The following ADK variants were observed in gnomAD, a reference collection of about 807,000 sequenced individuals.
The protein encoded by ADK is adenosine kinase, also known as N6,N6-dimethyladenosine kinase.
Under a neutral mutation model 44.7 loss-of-function variants are expected in ADK, and 24 were observed. The ratio of observed to expected loss-of-function variants is 0.54; its 90% confidence interval spans 0.39 to 0.76. The LOEUF (loss-of-function observed/expected upper bound fraction) is 0.76, where lower values mean the gene tolerates loss of function less well. ADK is among the 30% of genes least tolerant of loss of function. The probability of loss-of-function intolerance (pLI) is 0.00; values close to 1 mark genes in which losing one functional copy is unlikely to be tolerated. For synonymous variants in ADK, 128 were observed against 142.6 expected (o/e 0.90, Z 0.73); for missense variants, 321 against 425.1 (o/e 0.76, Z 2.15).
chr10:74,166,018 A>T (rs1842025401), intron 1 of ADK, among the ~76,000 whole-genome samples: 1 of 152,024 alleles, frequency 6.6e-6, no homozygotes, highest in South Asian at 2.1e-4. Flanking sequence ...CCTCCTGGGT[A>T]CACTTCCACT....
chr10:74,637,782 G>A (rs1246112629), intron 9 of ADK, among the ~76,000 whole-genome samples: 1 of 152,218 alleles, frequency 6.6e-6, no homozygotes, highest in Non-Finnish European at 1.5e-5. Flanking sequence ...AGACTGCTGA[G>A]TCTAGATGAG....
At chr10:74,676,281 C>A (rs992640298) in intron 10 of ADK, among the ~76,000 whole-genome samples, 4 of 152,148 alleles carry the variant, frequency 2.6e-5, no homozygotes, top group African/African-American at 7.2e-5. Flanking sequence ...AGGCATCCGC[C>A]ATCACGCCTG....
At chr10:74,446,009 A>G (rs1423737817) in intron 6 of ADK, among the ~76,000 whole-genome samples, 1 of 152,106 alleles carries the variant, frequency 6.6e-6, no homozygotes, top group Non-Finnish European at 1.5e-5. Flanking sequence ...AACATATTTT[A>G]TTACATTTAA....
chr10:74,151,481 G>T (rs1412820079), intron 1 of ADK, 138 bp downstream of exon 1: 4 of 924,350 alleles, frequency 4.3e-6, no homozygotes, highest in African/African-American at 3.3e-5. Flanking sequence ...TCCCCCAGCT[G>T]CCCGCTTGGC....
chr10:74,455,074 G>A (rs1376066654), intron 6 of ADK, among the ~76,000 whole-genome samples: 1 of 151,972 alleles, frequency 6.6e-6, no homozygotes, highest in African/African-American at 2.4e-5. Context: ...CTATATTTTG[G>A]GGTAGTATAT....
chr10:74,420,329 A>G (rs559249189), intron 6 of ADK, among the ~76,000 whole-genome samples: 35 of 152,282 alleles, frequency 2.3e-4, no homozygotes, highest in African/African-American at 8.4e-4. Flanking sequence ...CTGTTAGTCT[A>G]CTTGAAGAGC....
intron 8 of ADK, among the ~76,000 whole-genome samples, chr10:74,598,829 T>C (rs1852020268): frequency 6.6e-6 from 1 of 152,198 alleles, no homozygotes; most frequent in Non-Finnish European, 1.5e-5. Context: ...ATTCATAAGA[T>C]TCTGCTTTCA....
chr10:74,282,171 G>C (rs1846966848), intron 3 of ADK, among the ~76,000 whole-genome samples: 1 of 152,128 alleles, frequency 6.6e-6, no homozygotes, highest in African/African-American at 2.4e-5. Context: ...GTGGCATTTG[G>C]TTTTATTTTA....
intron 4 of ADK, among the ~76,000 whole-genome samples, chr10:74,350,427 A>G (rs186125363): frequency 1.3e-5 from 2 of 152,352 alleles, no homozygotes; most frequent in African/African-American, 4.8e-5. Flanking sequence ...GTTAAGAGGG[A>G]TATTTATAGC....
chr10:74,248,687 T>A (rs894463990), intron 3 of ADK, among the ~76,000 whole-genome samples: 8 of 152,198 alleles, frequency 5.3e-5, no homozygotes, highest in African/African-American at 1.4e-4. Context: ...TGAGTATACT[T>A]GTTCAAAATA....
At chr10:74,567,699 G>GTTTTTTTTTT (rs56042541) in intron 7 of ADK, among the ~76,000 whole-genome samples, 129 of 112,334 alleles carry the variant, frequency 1.1e-3, no homozygotes, top group Non-Finnish European at 1.8e-3. Flanking sequence ...TGTTTTTTTT[G>GTTTTTTTTTT]TTTTTTTTTT....
At chr10:74,334,692 T>A (rs1268802728) in intron 4 of ADK, among the ~76,000 whole-genome samples, 1 of 152,154 alleles carries the variant, frequency 6.6e-6, no homozygotes, top group African/African-American at 2.4e-5. Flanking sequence ...TTCCTGCTTC[T>A]GGCCAACAAC....
Position 74,246,119 on chromosome 10 carries a change from A to AG in ADK, c.194+21536dup, listed in dbSNP as rs372309668. ...TTGTGATTCAAGGGCCTCTTGTGGG[A>AG]GGGGGGGGTCAGGGGTCCTTAAGAC... On this transcript the variant is annotated intron_variant, in intron 3 of 10. Coordinates refer to ENST00000539909, the MANE Select transcript of ADK (RefSeq NM_006721.4). Among the ~76,000 whole-genome samples, 403 of 149,790 alleles carry AG rather than the reference A, an allele frequency of 2.7e-3. 3 individuals are homozygous for AG. Among genetic ancestry groups the AG allele is most frequent in the African/African-American group, 8.1e-3 (330 of 40,822 alleles).
rs373743820 is a variant in ADK, at chr10:74,645,992, T to C, written c.878-24191T>C. Among the ~76,000 whole-genome samples, 100 of 152,210 alleles carry C rather than the reference T, an allele frequency of 6.6e-4. 1 individual carries two copies. The highest frequency in any genetic ancestry group is 1.3e-4 in the Non-Finnish European group (9 of 68,036). ...ATGAACATCTGCAACTTCGATCTTA[T>C]TAACAGAGGATAGAATGGAAGGCAG... On this transcript the variant is annotated intron_variant, in intron 9 of 10. Coordinates refer to ENST00000539909, the MANE Select transcript of ADK (RefSeq NM_006721.4).
chr10:74,414,306 T>G (rs1037334509), intron 6 of ADK, among the ~76,000 whole-genome samples: 2 of 152,204 alleles, frequency 1.3e-5, no homozygotes, highest in African/African-American at 4.8e-5. Context: ...ACCATTAGTG[T>G]TAGAGTTCAG....
chr10:74,625,663 A>C (rs1307670184), intron 9 of ADK, among the ~76,000 whole-genome samples: 2 of 152,152 alleles, frequency 1.3e-5, no homozygotes, highest in African/African-American at 4.8e-5. Context: ...ATTAGTGATG[A>C]ACAATCCCAT....
chr10:74,172,898 C>G (rs1385122265), intron 1 of ADK, among the ~76,000 whole-genome samples: 1 of 89,284 alleles, frequency 1.1e-5, no homozygotes, highest in Non-Finnish European at 2.3e-5. Context: ...GAGTGGGACT[C>G]CATGTCAAAA....
intron 2 of ADK, among the ~76,000 whole-genome samples, chr10:74,207,442 A>T (rs559641278): frequency 1.3e-5 from 2 of 152,278 alleles, no homozygotes; most frequent in South Asian, 4.1e-4. Flanking sequence ...ATCCATGAAC[A>T]GTGAGGTATG....
intron 7 of ADK, among the ~76,000 whole-genome samples, chr10:74,578,399 C>G (rs1363812566): frequency 1.3e-5 from 2 of 151,994 alleles, no homozygotes; most frequent in South Asian, 2.1e-4. Flanking sequence ...ATACATTTTA[C>G]TTATCTTAAG....
Sources: gnomAD v4.1 joint callset for allele counts (sites outside exome capture counted in the v4.1 genomes callset) on GRCh38, gnomAD v4.1.1 for gene constraint, MANE v1.5 for transcripts, NCBI Gene and HGNC (gene_info 2026-07-23, HGNC 2026-07-21) for gene names.